KAZN: variants seen among roughly 807,000 people sequenced by gnomAD.
The protein encoded by KAZN is kazrin, periplakin interacting protein, also known as kazrin.
Under a neutral mutation model 87.4 loss-of-function variants are expected in KAZN, and 40 were observed. The ratio of observed to expected loss-of-function variants is 0.46; its 90% CI spans 0.36 to 0.60. The LOEUF (loss-of-function observed/expected upper bound fraction) is 0.60, where lower values mean the gene tolerates loss of function less well. Among genes scored for constraint, KAZN ranks in the 20% least tolerant of loss-of-function variants. The pLI, the probability that KAZN is intolerant of heterozygous loss-of-function variation, is 0.00. For synonymous variants in KAZN, 466 were observed against 458.3 expected (o/e 1.02, Z -0.22); for missense variants, 898 against 1,073.9 (o/e 0.84, Z 2.29).
At chr1:14,195,335 A>G (rs139956061) in intron 2 of KAZN, among the ~76,000 whole-genome samples, 1 of 151,822 alleles carries the variant, frequency 6.6e-6, no homozygotes, top group East Asian at 1.9e-4. Context: ...GACCTCCGAT[A>G]CCTCCTCTTC....
intron 1 of KAZN, among the ~76,000 whole-genome samples, chr1:14,617,043 A>G (rs528259419): frequency 2.0e-5 from 3 of 152,330 alleles, no homozygotes; most frequent in African/African-American, 7.2e-5. Context: ...ATCCTGCAAG[A>G]CAGCAACCTT....
intron 5 of KAZN, among the ~76,000 whole-genome samples, chr1:15,059,102 C>CT (rs1211831810): frequency 0.073 from 10,255 of 140,236 alleles, 1,044 homozygotes; most frequent in African/African-American, 0.24. Flanking sequence ...AAAACAGGCA[C>CT]TTTTTTTTTT....
chr1:14,973,435 C>T (rs571822988), intron 2 of KAZN, among the ~76,000 whole-genome samples: 153 of 152,300 alleles, frequency 1.0e-3, no homozygotes, highest in African/African-American at 3.3e-3. Context: ...CAAAGGGGCA[C>T]GAGAGCCTTT....
intron 2 of KAZN, among the ~76,000 whole-genome samples, chr1:14,964,751 A>T (rs574442897): frequency 6.6e-6 from 1 of 152,312 alleles, no homozygotes; most frequent in African/African-American, 2.4e-5. Context: ...CCCCTGGCAG[A>T]TTCTCTCTCC....
intron 1 of KAZN, among the ~76,000 whole-genome samples, chr1:14,156,465 GTC>G (rs1224721639): frequency 2.6e-5 from 4 of 152,130 alleles, no homozygotes; most frequent in South Asian, 2.1e-4. Context: ...TTGTATTGGA[GTC>G]TATCTCTCTC....
chr1:14,655,998 C>G (rs1474114458), intron 1 of KAZN, among the ~76,000 whole-genome samples: 3 of 152,188 alleles, frequency 2.0e-5, no homozygotes, highest in African/African-American at 7.2e-5. Context: ...TTGGCACCCT[C>G]CCCTTAACAA....
rs538791351 is a variant in KAZN, at chr1:14,886,857, C to T, written c.227-73827C>T. Among the ~76,000 whole-genome samples the T allele has an allele frequency of 9.1e-4, 139 of 152,240 alleles. 1 individual carries two copies. The highest frequency in any genetic ancestry group is 3.2e-3 in the African/African-American group (135 of 41,544). On this transcript the variant is annotated intron_variant, in intron 1 of 14. Coordinates refer to ENST00000376030, the MANE Select transcript of KAZN (RefSeq NM_201628.3). ...ACCTGTATATGTACACTTACACACACGTGTGTATGTGTCTGAGTGTTTATT... is the reference window on the plus strand; with the variant it reads ...ACCTGTATATGTACACTTACACACATGTGTGTATGTGTCTGAGTGTTTATT...
At chr1:14,722,486 T>C (rs35702687) in intron 1 of KAZN, among the ~76,000 whole-genome samples, 27,724 of 152,134 alleles carry the variant, frequency 0.18, 2,706 homozygotes, top group East Asian at 0.21. Flanking sequence ...AGAAGAAATA[T>C]ACATTCGTTA....
chr1:14,660,541 CTTTTTT>C (rs1156503750), intron 1 of KAZN, among the ~76,000 whole-genome samples: 37 of 76,032 alleles, frequency 4.9e-4, no homozygotes, highest in African/African-American at 1.9e-3. Flanking sequence ...CTCTCTCTCT[CTTTTTT>C]TTTTTTTTTT....
chr1:14,723,659 G>A lies in KAZN; in HGVS notation c.226+124436G>A, dbSNP rs555522488. Among the ~76,000 whole-genome samples, 12 of 152,264 alleles carry A rather than the reference G, an allele frequency of 7.9e-5. No homozygotes were observed. The South Asian group carries it at 8.3e-4, about 11-fold the overall frequency. On this transcript the variant is annotated intron_variant, in intron 1 of 14. Coordinates refer to ENST00000376030, the MANE Select transcript of KAZN (RefSeq NM_201628.3). ...TTTGCTCCCTCTCTCTCCTGCATTCGTCTCCTTTTCCACCCGAGTGCTCCT... is the reference window on the plus strand; with the variant it reads ...TTTGCTCCCTCTCTCTCCTGCATTCATCTCCTTTTCCACCCGAGTGCTCCT...
intron 1 of KAZN, among the ~76,000 whole-genome samples, chr1:14,134,986 CACACACACACACACACAT>C (rs1645074778): frequency 1.1e-5 from 1 of 87,724 alleles, no homozygotes; most frequent in Non-Finnish European, 2.1e-5. Flanking sequence ...CACACACACA[CACACACACACACACACAT>C]GTGCACACAT....
At chr1:14,648,864 C>T (rs1328215946) in intron 1 of KAZN, among the ~76,000 whole-genome samples, 1 of 152,222 alleles carries the variant, frequency 6.6e-6, no homozygotes, top group Admixed American at 6.5e-5. Flanking sequence ...TCACTGGAGT[C>T]TTTGGGGCAT....
rs184305809 is a variant in KAZN, at chr1:14,955,837, G to A, written c.227-4847G>A. 9.8e-4 allele frequency among the ~76,000 whole-genome samples: 149 copies of A among 152,318 alleles called. 1 individual carries two copies. Among genetic ancestry groups the A allele is most frequent in the African/African-American group, 3.4e-3 (143 of 41,572 alleles). On this transcript the variant is annotated intron_variant, in intron 1 of 14. Coordinates refer to ENST00000376030, the MANE Select transcript of KAZN (RefSeq NM_201628.3). ...TGTGCCTGCCCCGCCTCCCTCCTGT[G>A]CAGTGCTCAGGCAAAGCCTGCTCCC...
intron 2 of KAZN, among the ~76,000 whole-genome samples, chr1:14,522,128 C>T (rs1671622089): frequency 6.6e-6 from 1 of 152,262 alleles, no homozygotes; most frequent in African/African-American, 2.4e-5. Flanking sequence ...AAGTCCCCTG[C>T]CTTTTGCCAA....
At chr1:14,821,598 G>A (rs555974444) in intron 1 of KAZN, among the ~76,000 whole-genome samples, 3 of 152,122 alleles carry the variant, frequency 2.0e-5, no homozygotes, top group African/African-American at 7.2e-5. Context: ...CCTTGTAAGA[G>A]GAGGGGATTC....
intron 2 of KAZN, among the ~76,000 whole-genome samples, chr1:14,383,373 G>A (rs1359254282): frequency 6.6e-6 from 1 of 151,992 alleles, no homozygotes; most frequent in African/African-American, 2.4e-5. Context: ...TGGTGTTTTA[G>A]ATATGAAGTC....
chr1:14,191,633 A>T (rs1646421497), intron 2 of KAZN, among the ~76,000 whole-genome samples: 1 of 152,154 alleles, frequency 6.6e-6, no homozygotes, highest in Non-Finnish European at 1.5e-5. Flanking sequence ...TATCCGTCAT[A>T]GTTTTTAACA....
intron 2 of KAZN, among the ~76,000 whole-genome samples, chr1:14,247,935 G>A (rs1017569283): frequency 6.6e-6 from 1 of 152,106 alleles, no homozygotes; most frequent in African/African-American, 2.4e-5. Flanking sequence ...CAGCTGAGAA[G>A]TACTGAGCCT....
chr1:13,949,528 G>A (rs552216410), intron 1 of KAZN, among the ~76,000 whole-genome samples: 2 of 131,522 alleles, frequency 1.5e-5, no homozygotes, highest in African/African-American at 5.6e-5. Context: ...TCTGTGTGAC[G>A]AGGTGTTTTT....
Sources: allele counts gnomAD v4.1 joint callset (sites outside exome capture counted in the v4.1 genomes callset), GRCh38; gene constraint gnomAD v4.1.1; transcripts MANE v1.5; gene names NCBI Gene and HGNC (gene_info 2026-07-23, HGNC 2026-07-21).